Variants in TRAPPC9 observed in about 807,000 individuals in gnomAD.
TRAPPC9 encodes the protein trafficking protein particle complex subunit 9, also known as IKK2 binding protein.
Under a neutral mutation model 124.0 loss-of-function variants are expected in TRAPPC9, and 83 were observed. The ratio of observed to expected loss-of-function variants is 0.67; its 90% CI spans 0.56 to 0.80. TRAPPC9 has a LOEUF of 0.80. Ranked by LOEUF, TRAPPC9 falls within the 30% of genes least tolerant of loss-of-function variation. TRAPPC9 has a pLI of 0.00. For missense variants in TRAPPC9, 1,302 were observed against 1,508.3 expected (o/e 0.86, Z 2.27); for synonymous variants, 638 against 617.5 (o/e 1.03, Z -0.49).
intron 17 of TRAPPC9, among the ~76,000 whole-genome samples, chr8:140,159,368 C>G (rs1228442968): frequency 6.6e-6 from 1 of 152,160 alleles, no homozygotes; most frequent in Non-Finnish European, 1.5e-5. Context: ...AGAGCAGGCC[C>G]TCAGGAGGTA....
intron 6 of TRAPPC9, among the ~76,000 whole-genome samples, chr8:140,403,267 A>G (rs918053301): frequency 6.6e-6 from 1 of 152,044 alleles, no homozygotes; most frequent in South Asian, 2.1e-4. Flanking sequence ...TGTGTCTACT[A>G]AAAATATAAA....
Position 139,861,413 on chromosome 8 carries a change from G to A in TRAPPC9, c.3055+24466C>T, listed in dbSNP as rs142325269. Among the ~76,000 whole-genome samples the A allele has an allele frequency of 2.2e-4, 33 of 152,292 alleles. No individual in the cohort carries two copies. The East Asian group carries it at 6.2e-3, about 29-fold the overall frequency. Reference sequence around the variant, plus strand: ...GGACACTTAGGAACAGGTAACTAAAGGTGACTTAGGTCAGAGCAGGTGACC... The same window carrying A: ...GGACACTTAGGAACAGGTAACTAAAAGTGACTTAGGTCAGAGCAGGTGACC... On this transcript the variant is annotated intron_variant, in intron 21 of 22. Transcript: ENST00000438773.
intron 16 of TRAPPC9, among the ~76,000 whole-genome samples, chr8:140,240,694 TC>T (rs2063837899): frequency 1.3e-5 from 2 of 152,096 alleles, no homozygotes; most frequent in Non-Finnish European, 2.9e-5. Flanking sequence ...CACCTCAGCC[TC>T]CCAAGCCCAG....
At position 140,252,304 on chromosome 8, in the gene TRAPPC9, G is replaced by A. The variant is rs965396710; in HGVS notation, c.2431+473C>T. ...GCCTCCCAGAGTGCTGAGATTATAG[G>A]TGTGAGCCATCACACCCAGCCAATC... On this transcript the variant is annotated intron_variant, in intron 16 of 22. Transcript: ENST00000438773. This position sits in a 1 kb window ranked among gnomAD's most constrained non-coding sequence, Gnocchi z 4.2. Among the ~76,000 whole-genome samples the A allele has an allele frequency of 6.6e-6, 1 of 152,140 alleles. No homozygotes were observed. The highest frequency in any genetic ancestry group is 6.5e-5 in the Admixed American group (1 of 15,270).
At chr8:140,218,686 G>A (rs2131302734) in intron 17 of TRAPPC9, among the ~76,000 whole-genome samples, 1 of 152,212 alleles carries the variant, frequency 6.6e-6, no homozygotes, top group Non-Finnish European at 1.5e-5. Flanking sequence ...GAGGCCAGGT[G>A]TGGTGGCTCA....
At chr8:140,309,985 C>T (rs2131875218) in intron 10 of TRAPPC9, among the ~76,000 whole-genome samples, 1 of 152,326 alleles carries the variant, frequency 6.6e-6, no homozygotes, top group East Asian at 1.9e-4. Flanking sequence ...CCAGTGTGGC[C>T]TGCCAGGGGC....
chr8:139,857,573 G>A (rs943720710), intron 21 of TRAPPC9, among the ~76,000 whole-genome samples: 7 of 152,236 alleles, frequency 4.6e-5, no homozygotes, highest in Non-Finnish European at 7.3e-5. Flanking sequence ...GGAAGGCATG[G>A]TGGCCACAGA....
chr8:139,877,214 T>A (rs1217382265), intron 21 of TRAPPC9, among the ~76,000 whole-genome samples: 1 of 152,214 alleles, frequency 6.6e-6, no homozygotes, highest in African/African-American at 2.4e-5. Context: ...GAGGAAAGTG[T>A]TAGCAGTGGA....
chr8:140,088,476 G>A (rs575718082), intron 17 of TRAPPC9, among the ~76,000 whole-genome samples: 1 of 152,296 alleles, frequency 6.6e-6, no homozygotes, highest in Admixed American at 6.5e-5. Flanking sequence ...CACACAACGA[G>A]GACTGGGACC....
chr8:140,116,837 GAGTAGGCGGAGTTCAGTA>G (rs1563773568), intron 17 of TRAPPC9, among the ~76,000 whole-genome samples: 4 of 148,922 alleles, frequency 2.7e-5, no homozygotes, highest in African/African-American at 7.5e-5. Context: ...GGAGTTCAGT[GAGTAGGCGGAGTTCAGTA>G]AGTAGGCGGA....
intron 17 of TRAPPC9, among the ~76,000 whole-genome samples, chr8:140,038,146 A>T (rs1196696431): frequency 6.6e-6 from 1 of 151,580 alleles, no homozygotes; most frequent in Non-Finnish European, 1.5e-5. Context: ...ACCAAAGTGT[A>T]TTTTCATCAT....
chr8:139,767,915 T>C (rs1227209095), intron 21 of TRAPPC9, among the ~76,000 whole-genome samples: 1 of 152,232 alleles, frequency 6.6e-6, no homozygotes, highest in Non-Finnish European at 1.5e-5. Flanking sequence ...AAAGCTGTAA[T>C]ATTTATGGAG....
rs757467463 is a variant in TRAPPC9 at position 139,889,504 on chromosome 8, GGAGT to G, written c.2965-3539_2965-3536del. 4.6e-5 allele frequency among the ~76,000 whole-genome samples: 7 copies of G among 152,278 alleles called. No individual in the cohort carries two copies. In the East Asian group the frequency reaches 1.3e-3, roughly 29 times the overall value. ...CCCTGAGGGAGACAAGGAATGGGAG[GGAGT>G]GTTTCATGGGTGCCCAGTTTCAGTT... On this transcript the variant is annotated intron_variant, in intron 20 of 22. Transcript: ENST00000438773.
At chr8:139,751,153 A>G (rs1283347841) in intron 21 of TRAPPC9, among the ~76,000 whole-genome samples, 3 of 152,232 alleles carry the variant, frequency 2.0e-5, no homozygotes, top group Non-Finnish European at 2.9e-5. Context: ...TGGGAGGTCA[A>G]CATAGTCAGC....
At chr8:140,137,526 T>A (rs982538419) in intron 17 of TRAPPC9, among the ~76,000 whole-genome samples, 2 of 152,218 alleles carry the variant, frequency 1.3e-5, no homozygotes, top group Admixed American at 1.3e-4. Context: ...AGACCGGCCC[T>A]GGGCGGCCTC....
intron 19 of TRAPPC9, among the ~76,000 whole-genome samples, chr8:139,943,813 A>T (rs1834051291): frequency 6.6e-6 from 1 of 152,232 alleles, no homozygotes; most frequent in African/African-American, 2.4e-5. Flanking sequence ...GGAGGAAAGA[A>T]TCAGTAGACA....
intron 17 of TRAPPC9, among the ~76,000 whole-genome samples, chr8:140,060,088 G>C (rs1333925293): frequency 6.6e-6 from 1 of 152,214 alleles, no homozygotes; most frequent in Non-Finnish European, 1.5e-5. Flanking sequence ...CCTTTAAAGA[G>C]TGTCAGGTCT....
chr8:140,054,457 T>A (rs952510409), intron 17 of TRAPPC9, among the ~76,000 whole-genome samples: 2 of 151,644 alleles, frequency 1.3e-5, no homozygotes, highest in Admixed American at 6.6e-5. Context: ...ACACCTGTAA[T>A]AAAAAAGAAA....
intron 19 of TRAPPC9, among the ~76,000 whole-genome samples, chr8:139,948,248 AACACACAC>A (rs141771160): frequency 0.029 from 4,168 of 144,666 alleles, 98 homozygotes; most frequent in African/African-American, 0.059. Context: ...TGGTTCATAA[AACACACAC>A]ACACACACAC....
Sources: allele counts gnomAD v4.1 joint callset (sites outside exome capture counted in the v4.1 genomes callset), GRCh38; gene constraint gnomAD v4.1.1; non-coding constraint Gnocchi (gnomAD v3.1); transcripts MANE v1.5; gene names NCBI Gene and HGNC (gene_info 2026-07-23, HGNC 2026-07-21).